The following IL1RAPL1 variants were observed in gnomAD, a reference collection of about 807,000 sequenced individuals.
The protein encoded by IL1RAPL1 is interleukin 1 receptor accessory protein like 1, also known as interleukin-1 receptor accessory protein-like 1.
In IL1RAPL1, 3 loss-of-function variants were observed where a neutral mutation model predicts 48.4. The ratio of observed to expected loss-of-function variants is 0.06; its 90% CI spans 0.03 to 0.16. IL1RAPL1 has a LOEUF of 0.16. IL1RAPL1 is among the 10% of genes least tolerant of loss of function. IL1RAPL1 has a pLI of 1.00. For missense variants in IL1RAPL1, 349 were observed against 530.6 expected, an observed-to-expected ratio of 0.66 and a Z score of 3.36; for synonymous variants, 185 against 187.7, an observed-to-expected ratio of 0.99 and a Z score of 0.12.
intron 5 of IL1RAPL1, among the ~76,000 whole-genome samples, chrX:29,613,713 G>A (rs970852399): frequency 5.6e-5 from 1 of 17,819 alleles, no homozygotes; most frequent in African/African-American, 6.7e-4. Flanking sequence ...GGTTTTTTTC[G>A]TGTGTGTGTG....
chrX:29,938,054 TTATTA>T (rs1439378829), intron 8 of IL1RAPL1, among the ~76,000 whole-genome samples: 8 of 111,905 alleles, frequency 7.1e-5, no homozygotes, highest in African/African-American at 1.3e-4. Flanking sequence ...TCTCTTTTTC[TTATTA>T]TATTTTAAAC....
intron 1 of IL1RAPL1, among the ~76,000 whole-genome samples, chrX:28,648,792 T>C (rs1418200724): frequency 5.4e-5 from 6 of 112,025 alleles, no homozygotes; most frequent in Admixed American, 1.9e-4. Context: ...GAGATGGGTC[T>C]TTTGGAAAGT....
At chrX:29,619,201 A>G (rs760176439) in intron 5 of IL1RAPL1, among the ~76,000 whole-genome samples, 1 of 111,951 alleles carries the variant, frequency 8.9e-6, no homozygotes, top group Non-Finnish European at 1.9e-5. Context: ...CGATGAACTG[A>G]TATGCAACTA....
At chrX:28,639,534 G>C (rs1198981422) in intron 1 of IL1RAPL1, among the ~76,000 whole-genome samples, 1 of 111,964 alleles carries the variant, frequency 8.9e-6, no homozygotes, top group African/African-American at 3.2e-5. Context: ...GAAAATAAAA[G>C]TGTCTGTGAG....
intron 2 of IL1RAPL1, among the ~76,000 whole-genome samples, chrX:29,150,262 A>G (rs927379856): frequency 2.7e-5 from 3 of 112,131 alleles, no homozygotes; most frequent in Non-Finnish European, 5.6e-5. Flanking sequence ...GAAAATAATT[A>G]CTTAAATGTG....
chrX:29,361,047 G>GT (rs1336444100), intron 3 of IL1RAPL1, among the ~76,000 whole-genome samples: 42 of 111,443 alleles, frequency 3.8e-4, no homozygotes, highest in Non-Finnish European at 7.0e-4. Context: ...CACACAATGT[G>GT]TTTTTTCCCA....
At chrX:28,773,127 G>A (rs1936327089) in intron 1 of IL1RAPL1, among the ~76,000 whole-genome samples, 1 of 110,493 alleles carries the variant, frequency 9.1e-6, no homozygotes, top group East Asian at 2.9e-4. Flanking sequence ...AGGCTGGAGT[G>A]CAGTGGTGTG....
intron 3 of IL1RAPL1, among the ~76,000 whole-genome samples, chrX:29,288,613 A>G (rs1409900386): frequency 1.8e-5 from 2 of 112,235 alleles, no homozygotes; most frequent in African/African-American, 3.2e-5. Flanking sequence ...TAGTGCTGCA[A>G]TGAACATATT....
intron 2 of IL1RAPL1, among the ~76,000 whole-genome samples, chrX:28,986,349 A>T (rs1925473195): frequency 8.9e-6 from 1 of 112,506 alleles, no homozygotes; most frequent in African/African-American, 3.2e-5. Context: ...TAGAAATTAC[A>T]TGGAATATGT....
intron 5 of IL1RAPL1, among the ~76,000 whole-genome samples, chrX:29,582,915 G>A (rs1923025180): frequency 1.5e-5 from 1 of 67,182 alleles, no homozygotes; most frequent in African/African-American, 5.9e-5. Context: ...ACCCAGTAAT[G>A]GGATGGCTGG....
chrX:29,646,475 A>G (rs1925329277), intron 5 of IL1RAPL1, among the ~76,000 whole-genome samples: 1 of 111,722 alleles, frequency 9.0e-6, no homozygotes, highest in Non-Finnish European at 1.9e-5. Flanking sequence ...AAGAAAAAGC[A>G]AATTATGAGT....
intron 1 of IL1RAPL1, among the ~76,000 whole-genome samples, chrX:28,630,058 A>C (rs188684098): frequency 1.8e-5 from 2 of 111,781 alleles, no homozygotes; most frequent in African/African-American, 6.5e-5. Flanking sequence ...CATACCAAGG[A>C]AGTTTAAAAG....
chrX:28,980,848 G>T (rs1339459347), intron 2 of IL1RAPL1, among the ~76,000 whole-genome samples: 1 of 108,744 alleles, frequency 9.2e-6, no homozygotes, highest in African/African-American at 3.4e-5. Flanking sequence ...CAGCACTTTG[G>T]GAGGTCAAAG....
chrX:29,217,322 C>T (rs941565660), intron 2 of IL1RAPL1, among the ~76,000 whole-genome samples: 3 of 112,165 alleles, frequency 2.7e-5, no homozygotes, highest in African/African-American at 9.7e-5. Flanking sequence ...TAGTAAATGC[C>T]TTGCAGATTC....
intron 6 of IL1RAPL1, among the ~76,000 whole-genome samples, chrX:29,849,339 A>G (rs1015034880): frequency 9.0e-6 from 1 of 111,481 alleles, no homozygotes; most frequent in East Asian, 2.8e-4. Flanking sequence ...TATAGACTGT[A>G]TAGTCTGAAA....
intron 3 of IL1RAPL1, among the ~76,000 whole-genome samples, chrX:29,332,796 C>T (rs1357108564): frequency 3.7e-3 from 403 of 108,702 alleles, no homozygotes; most frequent in African/African-American, 0.014. Context: ...ACCCTGCGGC[C>T]TTCCGCAGTG....
intron 2 of IL1RAPL1, among the ~76,000 whole-genome samples, chrX:28,809,830 A>G (rs1169324434): frequency 9.2e-6 from 1 of 108,758 alleles, no homozygotes; most frequent in Non-Finnish European, 1.9e-5. Context: ...TATTTAAATC[A>G]TCCTAGCAAC....
intron 1 of IL1RAPL1, among the ~76,000 whole-genome samples, chrX:28,731,736 C>A (rs992838209): frequency 2.7e-5 from 3 of 111,539 alleles, no homozygotes; most frequent in Non-Finnish European, 3.8e-5. Flanking sequence ...CTATTCCCTG[C>A]CTATGTTTTT....
chrX:29,543,188 T>A (rs1164149792), intron 5 of IL1RAPL1, among the ~76,000 whole-genome samples: 1 of 109,852 alleles, frequency 9.1e-6, no homozygotes, highest in African/African-American at 3.3e-5. Context: ...TAGGTATATT[T>A]ATCTTTTCTC....
Sources: allele counts gnomAD v4.1 joint callset (sites outside exome capture counted in the v4.1 genomes callset), GRCh38; gene constraint gnomAD v4.1.1; transcripts MANE v1.5; gene names NCBI Gene and HGNC (gene_info 2026-07-23, HGNC 2026-07-21).